Variants in RNLS observed in about 807,000 individuals in gnomAD.
RNLS encodes the protein renalase.
A neutral mutation model predicts 39.8 loss-of-function variants in RNLS; 39 were observed. That is an observed-to-expected ratio of 0.98 (90% CI 0.76 to 1.28). RNLS has a LOEUF of 1.28. Among genes scored for constraint, RNLS ranks in the 50% most tolerant of loss-of-function variants. The pLI is 0.00. For missense variants in RNLS, 410 were observed against 413.3 expected (o/e 0.99, Z 0.07); for synonymous variants, 147 against 150.7 (o/e 0.98, Z 0.18).
chr10:88,243,129 G>A, the RNLS span, among the ~76,000 whole-genome samples: 1 of 152,094 alleles, frequency 6.6e-6, no homozygotes, highest in Non-Finnish European at 1.5e-5. Flanking sequence ...TATAATGTGT[G>A]GGAAAATGCC....
chr10:88,390,995 G>A (rs548834840), intron 4 of RNLS, among the ~76,000 whole-genome samples: 8 of 152,244 alleles, frequency 5.3e-5, no homozygotes, highest in African/African-American at 1.9e-4. Flanking sequence ...ACTAACTGAA[G>A]ACTATACTTT....
chr10:88,520,410 T>C (rs1846656320), intron 4 of RNLS, among the ~76,000 whole-genome samples: 1 of 152,018 alleles, frequency 6.6e-6, no homozygotes, highest in Non-Finnish European at 1.5e-5. Context: ...TCTTGTGAAT[T>C]GTCTTCTGGC....
In RNLS at chr10:88,493,743, G is replaced by A. The variant is rs576843003; in HGVS notation, c.526+79160C>T. 3.3e-5 allele frequency among the ~76,000 whole-genome samples: 5 copies of A among 151,996 alleles called. No individual in the cohort carries two copies. In the South Asian group the frequency reaches 8.3e-4, roughly 25 times the overall value. ...CCTCTCTTTGCTTTTTCACTGTAAGGTCAACAGCTTAAGAGGCACAAATCT... is the reference window on the plus strand; with the variant it reads ...CCTCTCTTTGCTTTTTCACTGTAAGATCAACAGCTTAAGAGGCACAAATCT... On this transcript the variant is annotated intron_variant, in intron 4 of 6. Coordinates refer to ENST00000331772, the MANE Select transcript of RNLS (RefSeq NM_001031709.3).
chr10:88,209,240 C>G, the RNLS span, among the ~76,000 whole-genome samples: 2 of 152,040 alleles, frequency 1.3e-5, no homozygotes, highest in Non-Finnish European at 2.9e-5. Flanking sequence ...CATCCAGAAC[C>G]TGTGAATGTG....
At chr10:88,387,885 C>G (rs1851966416) in intron 4 of RNLS, among the ~76,000 whole-genome samples, 1 of 152,104 alleles carries the variant, frequency 6.6e-6, no homozygotes, top group African/African-American at 2.4e-5. Context: ...GAGTGAAGGG[C>G]TCCCTGTTCT....
At chr10:88,430,999 G>T (rs1855104898) in intron 4 of RNLS, among the ~76,000 whole-genome samples, 1 of 151,510 alleles carries the variant, frequency 6.6e-6, no homozygotes, top group East Asian at 1.9e-4. Flanking sequence ...GAATTAGGTT[G>T]GAAAGTATTG....
chr10:88,370,002 T>C (rs1018911359), intron 4 of RNLS, among the ~76,000 whole-genome samples: 1 of 152,118 alleles, frequency 6.6e-6, no homozygotes, highest in African/African-American at 2.4e-5. Flanking sequence ...ATTCTTTACA[T>C]AAAACTCTTT....
chr10:88,434,714 C>T (rs1432130924), intron 4 of RNLS, among the ~76,000 whole-genome samples: 1 of 152,086 alleles, frequency 6.6e-6, no homozygotes, highest in East Asian at 1.9e-4. Context: ...CACACAGGCT[C>T]TAGCATCAGA....
chr10:88,298,728 G>A (rs1433758548), intron 6 of RNLS, among the ~76,000 whole-genome samples: 1 of 151,988 alleles, frequency 6.6e-6, no homozygotes, highest in East Asian at 1.9e-4. Flanking sequence ...CTTGATTACT[G>A]TAGTTTTGCA....
chr10:88,237,218 G>C, the RNLS span, among the ~76,000 whole-genome samples: 1 of 119,150 alleles, frequency 8.4e-6, no homozygotes, highest in Non-Finnish European at 1.7e-5. Flanking sequence ...GACACTTTGA[G>C]TCCCTCCCTC....
rs149463288 is a variant in RNLS at position 88,475,505 on chromosome 10, C to T, written c.526+97398G>A. ...AATGATCTTTTTAACCCTCAGTTGT[C>T]CTTTCTTTTCTTCTAACTTCTATTA... On this transcript the variant is annotated intron_variant, in intron 4 of 6. Coordinates refer to ENST00000331772, the MANE Select transcript of RNLS (RefSeq NM_001031709.3). 1.6e-3 allele frequency among the ~76,000 whole-genome samples: 236 copies of T among 152,212 alleles called. 1 individual carries two copies. The highest frequency in any genetic ancestry group is 5.3e-3 in the African/African-American group (219 of 41,540).
intron 4 of RNLS, among the ~76,000 whole-genome samples, chr10:88,471,550 G>A (rs536661759): frequency 6.6e-6 from 1 of 152,264 alleles, no homozygotes; most frequent in South Asian, 2.1e-4. Flanking sequence ...CGAAAAGAGA[G>A]GGCCATTCTG....
chr10:88,557,640 T>C (rs1365308107), intron 4 of RNLS, among the ~76,000 whole-genome samples: 3 of 152,200 alleles, frequency 2.0e-5, no homozygotes, highest in African/African-American at 7.2e-5. Context: ...CTTCCTCTCT[T>C]TTCACTAATA....
At chr10:88,226,112 C>T in the RNLS span, among the ~76,000 whole-genome samples, 1 of 152,144 alleles carries the variant, frequency 6.6e-6, no homozygotes, top group South Asian at 2.1e-4. Context: ...TGAAGTTCTC[C>T]TCTGAGGCAT....
At chr10:88,451,106 T>C (rs889129479) in intron 4 of RNLS, among the ~76,000 whole-genome samples, 2 of 152,170 alleles carry the variant, frequency 1.3e-5, no homozygotes, top group African/African-American at 4.8e-5. Flanking sequence ...ACGAAGGTCC[T>C]TGGGTGCAAA....
rs1216037959 is a variant in RNLS, at chr10:88,537,341, C to T, written c.526+35562G>A. 2.6e-5 allele frequency among the ~76,000 whole-genome samples: 4 copies of T among 152,252 alleles called. No individual in the cohort carries two copies. In the East Asian group the frequency reaches 7.7e-4, roughly 29 times the overall value. On this transcript the variant is annotated intron_variant, in intron 4 of 6. Coordinates refer to ENST00000331772, the MANE Select transcript of RNLS (RefSeq NM_001031709.3). ...CTGAAAATTAAAATATGTATAATCT[C>T]CTACAGCCAAGTATATATGCAACAG... is the stretch of plus-strand genomic sequence containing the variant.
intron 4 of RNLS, among the ~76,000 whole-genome samples, chr10:88,437,032 G>A (rs746594064): frequency 1.3e-5 from 2 of 152,216 alleles, no homozygotes; most frequent in African/African-American, 2.4e-5. Flanking sequence ...CAGTTTGGGG[G>A]CTAATGTATA....
At chr10:88,531,869 T>C (rs1847448341) in intron 4 of RNLS, among the ~76,000 whole-genome samples, 2 of 152,064 alleles carry the variant, frequency 1.3e-5, no homozygotes, top group Non-Finnish European at 1.5e-5. Flanking sequence ...AGAGAGTGAA[T>C]GAGGAAAATT....
At chr10:88,262,509 C>G in the RNLS span, among the ~76,000 whole-genome samples, 1 of 152,140 alleles carries the variant, frequency 6.6e-6, no homozygotes, top group South Asian at 2.1e-4. Context: ...CATAATTTTA[C>G]CCCTCACCTA....
Sources: allele counts gnomAD v4.1 joint callset (sites outside exome capture counted in the v4.1 genomes callset), GRCh38; gene constraint gnomAD v4.1.1; transcripts MANE v1.5; gene names NCBI Gene and HGNC (gene_info 2026-07-23, HGNC 2026-07-21).